The following ZFHX3 variants were observed in gnomAD, a reference collection of about 807,000 sequenced individuals.
ZFHX3 encodes the protein zinc finger homeobox 3, also known as zinc finger homeobox protein 3.
Under a neutral mutation model 279.1 loss-of-function variants are expected in ZFHX3, and 42 were observed. The observed-to-expected ratio is 0.15, with a 90% CI of 0.12 to 0.19. The LOEUF (loss-of-function observed/expected upper bound fraction) is 0.19, where lower values mean the gene tolerates loss of function less well. Ranked by LOEUF, ZFHX3 falls within the 10% of genes least tolerant of loss-of-function variation. The probability of loss-of-function intolerance (pLI) is 1.00; values close to 1 mark genes in which losing one functional copy is unlikely to be tolerated. For missense variants in ZFHX3, 4,981 were observed against 4,754.0 expected, an observed-to-expected ratio of 1.05 and a Z score of -1.40; for synonymous variants, 2,293 against 1,957.8, an observed-to-expected ratio of 1.17 and a Z score of -4.52.
At chr16:73,451,717 G>A (rs2018283681) in intron 3 of ZFHX3, among the ~76,000 whole-genome samples, 1 of 152,116 alleles carries the variant, frequency 6.6e-6, no homozygotes, top group African/African-American at 2.4e-5. Flanking sequence ...ACTGGGAAAT[G>A]ACCCCAGATG....
At chr16:73,732,660 G>C (rs2053578342) in intron 1 of ZFHX3, among the ~76,000 whole-genome samples, 1 of 152,232 alleles carries the variant, frequency 6.6e-6, no homozygotes, top group Non-Finnish European at 1.5e-5. Flanking sequence ...AGTTAAATCT[G>C]AAAAATGACC....
At chr16:73,749,807 T>A (rs1038391528) in intron 1 of ZFHX3, among the ~76,000 whole-genome samples, 1 of 152,190 alleles carries the variant, frequency 6.6e-6, no homozygotes, top group Non-Finnish European at 1.5e-5. Context: ...ATTTAGAAGA[T>A]GTCAAAGCTC....
At chr16:73,708,570 T>C (rs1597075860) in intron 1 of ZFHX3, among the ~76,000 whole-genome samples, 1 of 152,364 alleles carries the variant, frequency 6.6e-6, no homozygotes, top group East Asian at 1.9e-4. Flanking sequence ...AGAACTGTTA[T>C]CACATTCCAT....
chr16:73,417,968 A>G (rs373367088), intron 3 of ZFHX3, among the ~76,000 whole-genome samples: 1 of 144,206 alleles, frequency 6.9e-6, no homozygotes, highest in Non-Finnish European at 1.5e-5. Flanking sequence ...CAGCCTGGGC[A>G]ACAGAGCGAG....
At chr16:73,122,587 C>G (rs543006191) in intron 7 of ZFHX3, among the ~76,000 whole-genome samples, 1 of 152,204 alleles carries the variant, frequency 6.6e-6, no homozygotes, top group African/African-American at 2.4e-5. Context: ...TCTAGGCCAC[C>G]ACGGGGTGCA....
At chr16:73,153,711 G>A (rs533422330) in intron 5 of ZFHX3, among the ~76,000 whole-genome samples, 9 of 152,038 alleles carry the variant, frequency 5.9e-5, no homozygotes, top group Admixed American at 3.3e-4. Context: ...GTGCAGTGGC[G>A]TGATCTCGGT....
chr16:73,109,542 C>T (rs1353083532), intron 7 of ZFHX3, among the ~76,000 whole-genome samples: 5 of 151,692 alleles, frequency 3.3e-5, no homozygotes, highest in Non-Finnish European at 5.9e-5. Flanking sequence ...TACACAAACT[C>T]GTGAAGCATT....
chr16:73,016,915 T>A (rs943500142), intron 1 of ZFHX3, among the ~76,000 whole-genome samples: 1 of 148,914 alleles, frequency 6.7e-6, no homozygotes, highest in Non-Finnish European at 1.5e-5. Flanking sequence ...TATGCCTTAA[T>A]GCACCTTTGA....
At chr16:73,743,126 T>A (rs918632337) in intron 1 of ZFHX3, among the ~76,000 whole-genome samples, 1 of 152,346 alleles carries the variant, frequency 6.6e-6, no homozygotes, top group South Asian at 2.1e-4. Flanking sequence ...TGGGATCATA[T>A]TCTACAAATT....
At chr16:73,630,816 T>A (rs1033248781) in intron 2 of ZFHX3, among the ~76,000 whole-genome samples, 3 of 152,160 alleles carry the variant, frequency 2.0e-5, no homozygotes, top group Non-Finnish European at 2.9e-5. Context: ...GAAATGACAA[T>A]CTTGCTATTT....
intron 1 of ZFHX3, among the ~76,000 whole-genome samples, chr16:73,866,417 C>T (rs1962023099): frequency 6.6e-6 from 1 of 151,786 alleles, no homozygotes; most frequent in South Asian, 2.1e-4. Flanking sequence ...CCCGCCTCAG[C>T]CTCCCAAAGT....
chr16:72,864,172 C>G (rs909145470), intron 4 of ZFHX3, among the ~76,000 whole-genome samples: 1 of 152,078 alleles, frequency 6.6e-6, no homozygotes, highest in Non-Finnish European at 1.5e-5. Flanking sequence ...ACCTCAACAA[C>G]CCCTAGTCAC....
chr16:73,628,667 ATCATATTGGTAAACCTCCAAGTT>A (rs2052440428), intron 2 of ZFHX3, among the ~76,000 whole-genome samples: 1 of 152,194 alleles, frequency 6.6e-6, no homozygotes, highest in African/African-American at 2.4e-5. Context: ...ATTGTTCTGA[ATCATATTGGTAAACCTCCAAGTT>A]TCATATTGCA....
intron 1 of ZFHX3, among the ~76,000 whole-genome samples, chr16:73,843,902 GA>G (rs1198933187): frequency 6.6e-6 from 1 of 152,198 alleles, no homozygotes. Flanking sequence ...TATGGACAAT[GA>G]AATCTGGATT....
At chr16:72,858,221 C>T (rs1056378480) in intron 4 of ZFHX3, among the ~76,000 whole-genome samples, 15 of 152,184 alleles carry the variant, frequency 9.9e-5, no homozygotes, top group Non-Finnish European at 1.8e-4. Flanking sequence ...AAAATGAAAT[C>T]CAAAGCAACG....
At chr16:72,799,516 A>G (rs1037599191) in intron 8 of ZFHX3, among the ~76,000 whole-genome samples, 1 of 152,200 alleles carries the variant, frequency 6.6e-6, no homozygotes, top group East Asian at 1.9e-4. Flanking sequence ...ACAGAGGTCT[A>G]ACCATTCATC....
At chr16:73,655,432 C>A (rs1460168842) in intron 2 of ZFHX3, among the ~76,000 whole-genome samples, 1 of 151,834 alleles carries the variant, frequency 6.6e-6, no homozygotes, top group Non-Finnish European at 1.5e-5. Flanking sequence ...CTACCAAGTC[C>A]CCTGATGCAA....
chr16:73,882,244 A>G (rs2030191563), intron 1 of ZFHX3, among the ~76,000 whole-genome samples: 3 of 152,190 alleles, frequency 2.0e-5, no homozygotes, highest in South Asian at 2.1e-4. Context: ...AGACACGCAG[A>G]AATCCCGACT....
At chr16:73,346,913 T>C (rs1163502135) in intron 3 of ZFHX3, among the ~76,000 whole-genome samples, 1 of 152,216 alleles carries the variant, frequency 6.6e-6, no homozygotes, top group African/African-American at 2.4e-5. Context: ...ATTATCCTTA[T>C]TATTTCACTT....
Sources: gnomAD v4.1 joint callset for allele counts (sites outside exome capture counted in the v4.1 genomes callset) on GRCh38, gnomAD v4.1.1 for gene constraint, MANE v1.5 for transcripts, NCBI Gene and HGNC (gene_info 2026-07-23, HGNC 2026-07-21) for gene names.